TERB2: variants seen among roughly 807,000 people sequenced by gnomAD.
The protein encoded by TERB2 is telomere repeat binding bouquet formation protein 2, also known as telomere repeats-binding bouquet formation protein 2.
TERB2 carries 26 observed loss-of-function variants against 29.8 expected under a neutral mutation model. The ratio of observed to expected loss-of-function variants is 0.87; its 90% CI spans 0.64 to 1.21. TERB2 has a LOEUF of 1.21. Ranked by LOEUF, TERB2 falls within the 50% of genes most tolerant of loss-of-function variation. The pLI is 0.00. For missense variants in TERB2, 240 were observed against 268.6 expected (o/e 0.89, Z 0.74); for synonymous variants, 80 against 90.8 (o/e 0.88, Z 0.68).
intron 6 of TERB2, among the ~76,000 whole-genome samples, chr15:44,976,685 T>C (rs1892051938): frequency 6.6e-6 from 1 of 152,142 alleles, no homozygotes; most frequent in Non-Finnish European, 1.5e-5. Context: ...CTATCACAGA[T>C]GCATGTGGGA....
intron 5 of TERB2, chr15:44,970,605 G>C (rs1296107135): frequency 6.1e-5 from 10 of 164,206 alleles, no homozygotes; most frequent in African/African-American, 9.6e-5. Flanking sequence ...CATACAGATA[G>C]GTTTGTTTGG....
Position 44,978,822 on chromosome 15 carries a change from C to A in TERB2, c.*194C>A. On this transcript the variant is annotated 3_prime_UTR_variant, in exon 7 of 7. Coordinates refer to ENST00000340827, the MANE Select transcript of TERB2 (RefSeq NM_152448.3). ...TTGACATTTTTCCCCTAGCTTTTAA[C>A]AACATGTTCAAATATTCTCAATGCA... 1.6e-6 allele frequency: 1 copy of A among 626,740 alleles called. No homozygotes were observed. Among genetic ancestry groups the A allele is most frequent in the Non-Finnish European group, 2.3e-6 (1 of 439,166 alleles). 38.8% of individuals were successfully genotyped at this position (626,740 alleles called of 1,614,324 possible). A position where few individuals can be genotyped will look rare whatever the true frequency, so the allele number is the denominator to read the frequency against.
intron 5 of TERB2, among the ~76,000 whole-genome samples, chr15:44,966,935 T>C (rs1279165329): frequency 3.3e-5 from 5 of 152,070 alleles, no homozygotes; most frequent in African/African-American, 9.7e-5. Flanking sequence ...CCCACCTCTA[T>C]AAAAAATTTA....
chr15:44,957,034 T>C (rs1175392988), intron 2 of TERB2, 57 bp downstream of exon 2: 5 of 1,533,670 alleles, frequency 3.3e-6, no homozygotes, highest in Non-Finnish European at 4.5e-6. Context: ...GAGTTAGGGA[T>C]GGAAGTTGCA....
chr15:44,977,025 G>A (rs1272944903), intron 6 of TERB2, among the ~76,000 whole-genome samples: 1 of 151,642 alleles, frequency 6.6e-6, no homozygotes, highest in Non-Finnish European at 1.5e-5. Flanking sequence ...AGAAAAACTT[G>A]AGACCAAGGC....
chr15:44,974,886 GT>G (rs1183400801), intron 6 of TERB2, among the ~76,000 whole-genome samples: 1 of 151,826 alleles, frequency 6.6e-6, no homozygotes, highest in Non-Finnish European at 1.5e-5. Flanking sequence ...TACTATCCCT[GT>G]TCATTTGGAC....
intron 4 of TERB2, among the ~76,000 whole-genome samples, chr15:44,963,801 A>ATT (rs1358739221): frequency 7.8e-6 from 1 of 128,236 alleles, no homozygotes; most frequent in African/African-American, 3.1e-5. Context: ...TTATTATACT[A>ATT]TTCTTTTTTT....
intron 4 of TERB2, among the ~76,000 whole-genome samples, chr15:44,965,441 T>G (rs1157578839): frequency 6.9e-6 from 1 of 144,188 alleles, no homozygotes; most frequent in Non-Finnish European, 1.5e-5. Context: ...TATAAATATA[T>G]AAATATATAT....
intron 4 of TERB2, among the ~76,000 whole-genome samples, chr15:44,965,448 AT>A (rs1352364959): frequency 7.0e-6 from 1 of 143,672 alleles, no homozygotes; most frequent in Non-Finnish European, 1.5e-5. Flanking sequence ...ATATAAATAT[AT>A]ATTTATAAAG....
rs750158422 is a variant in TERB2, at chr15:44,961,551, T to C, written c.315T>C (p.Ile105=). ...KEIRRKIGSF[I]WEQDQHFLIE... ...TAAGAAGAAAAATTGGTAGTTTTAT[T>C]TGGGAACAAGACCAACATTTTCTGA... The change falls in exon 4 of 7, where the codon ATT becomes ATC. Residue 105 remains isoleucine, a synonymous_variant. Coordinates refer to ENST00000340827, the MANE Select transcript of TERB2 (RefSeq NM_152448.3). 5.0e-6 allele frequency: 8 copies of C among 1,600,228 alleles called. No individual in the cohort carries two copies. The South Asian group carries it at 7.9e-5, about 16-fold the overall frequency.
intron 4 of TERB2, among the ~76,000 whole-genome samples, chr15:44,965,010 A>T (rs955216358): frequency 7.9e-5 from 12 of 151,872 alleles, no homozygotes; most frequent in Non-Finnish European, 1.6e-4. Context: ...AAAAATACAA[A>T]AAATTTGCCA....
At chr15:44,961,374 A>G (rs1306757584) in intron 3 of TERB2, 149 bp from the exon 4 acceptor site, 1 of 564,328 alleles carries the variant, frequency 1.8e-6, no homozygotes, top group Non-Finnish European at 3.2e-6. Flanking sequence ...GATCTGATTC[A>G]ATAGGAATCT....
At chr15:44,964,548 A>T (rs2141241087) in intron 4 of TERB2, among the ~76,000 whole-genome samples, 1 of 152,262 alleles carries the variant, frequency 6.6e-6, no homozygotes, top group South Asian at 2.1e-4. Context: ...AGGTAAAGAA[A>T]ATATAATGAC....
At chr15:44,974,492 C>T (rs1358925129) in intron 6 of TERB2, among the ~76,000 whole-genome samples, 1 of 152,122 alleles carries the variant, frequency 6.6e-6, no homozygotes, top group African/African-American at 2.4e-5. Context: ...CATGGATTAC[C>T]CAGATGTCCA....
At position 44,961,554 on chromosome 15, in the gene TERB2, G is replaced by A. The variant is rs397832768; in HGVS notation, c.318G>A (p.Trp106Ter). The change falls in exon 4 of 7, where the codon TGG (tryptophan) becomes TGA (stop). Residue 106 changes from tryptophan to a stop codon, truncating the protein, a stop_gained. Transcript: ENST00000340827. LOFTEE classifies it high-confidence loss of function. ...EIRRKIGSFI[W>*]EQDQHFLIEK... is the part of the protein sequence containing the mutation. ...GAAGAAAAATTGGTAGTTTTATTTG[G>A]GAACAAGACCAACATTTTCTGATAG... The A allele has an allele frequency of 7.5e-6, 12 of 1,598,016 alleles. No homozygotes were observed. The highest frequency in any genetic ancestry group is 1.7e-5 in the Admixed American group (1 of 58,094).
intron 3 of TERB2, among the ~76,000 whole-genome samples, chr15:44,959,575 C>T (rs1357904725): frequency 1.3e-5 from 2 of 152,090 alleles, no homozygotes; most frequent in Non-Finnish European, 2.9e-5. Flanking sequence ...ACCAAGTTGG[C>T]CAGGCTGGTC....
Position 44,978,489 on chromosome 15 carries a change from G to T in TERB2, c.524G>T (p.Gly175Val), listed in dbSNP as rs540391667. ...QNYPVNNMVT[G>V]YISIDAMKKF... is the part of the protein sequence containing the mutation. ...TCTTTTTTTAAATTTTATTTTGTAGGTTATATATCAATTGATGCCATGAAG... is the reference window on the plus strand; with the variant it reads ...TCTTTTTTTAAATTTTATTTTGTAGTTTATATATCAATTGATGCCATGAAG... The change falls in exon 7 of 7, where the codon GGT becomes GTT. Residue 175 changes from glycine (G) to valine (V), a missense_variant and splice_region_variant. Coordinates refer to ENST00000340827, the MANE Select transcript of TERB2 (RefSeq NM_152448.3). The T allele has an allele frequency of 1.2e-5, 19 of 1,596,356 alleles. No individual in the cohort carries two copies. In the Admixed American group the frequency reaches 2.8e-4, roughly 23 times the overall value.
chr15:44,975,854 A>T (rs1483234664), intron 6 of TERB2, among the ~76,000 whole-genome samples: 2 of 152,212 alleles, frequency 1.3e-5, no homozygotes, highest in Non-Finnish European at 2.9e-5. Context: ...CACCCATGAT[A>T]AGAAGTTCTG....
chr15:44,961,215 T>C (rs270815), intron 3 of TERB2, among the ~76,000 whole-genome samples: 3,515 of 132,706 alleles, frequency 0.026, 144 homozygotes, highest in African/African-American at 0.094. Context: ...TATATATATA[T>C]ACACACACAC....
Sources: allele counts gnomAD v4.1 joint callset (sites outside exome capture counted in the v4.1 genomes callset), GRCh38; gene constraint gnomAD v4.1.1; transcripts MANE v1.5; gene names NCBI Gene and HGNC (gene_info 2026-07-23, HGNC 2026-07-21).